NKAIN2: variants seen among roughly 807,000 people sequenced by gnomAD.
NKAIN2 encodes sodium/potassium transporting ATPase interacting 2.
A neutral mutation model predicts 32.6 loss-of-function variants in NKAIN2; 14 were observed. The observed-to-expected ratio is 0.43, with a 90% CI of 0.28 to 0.67. The LOEUF is 0.67. NKAIN2 is among the 30% of genes least tolerant of loss of function. The probability of loss-of-function intolerance (pLI) is 0.17; values close to 1 mark genes in which losing one functional copy is unlikely to be tolerated. For missense variants in NKAIN2, 198 were observed against 258.3 expected, an observed-to-expected ratio of 0.77 and a Z score of 1.60; for synonymous variants, 80 against 87.2, an observed-to-expected ratio of 0.92 and a Z score of 0.46.
At chr6:123,967,108 G>A (rs1324469002) in intron 1 of NKAIN2, among the ~76,000 whole-genome samples, 1 of 152,160 alleles carries the variant, frequency 6.6e-6, no homozygotes, top group Non-Finnish European at 1.5e-5. Context: ...AGTGTAACCG[G>A]AATAGGCAAC....
chr6:124,572,590 G>C (rs2114920745), intron 3 of NKAIN2, among the ~76,000 whole-genome samples: 1 of 152,216 alleles, frequency 6.6e-6, no homozygotes, highest in African/African-American at 2.4e-5. Flanking sequence ...ACACAAAAAA[G>C]AGAAGCTGCC....
intron 3 of NKAIN2, among the ~76,000 whole-genome samples, chr6:124,525,344 T>C (rs1779271767): frequency 6.6e-6 from 1 of 152,172 alleles, no homozygotes. Flanking sequence ...GAGGTATTGA[T>C]AAAATTTGTA....
At chr6:124,205,689 A>G (rs182281705) in intron 1 of NKAIN2, among the ~76,000 whole-genome samples, 218 of 139,212 alleles carry the variant, frequency 1.6e-3, no homozygotes, top group Non-Finnish European at 2.7e-3. Context: ...ATACTTTGTG[A>G]TATCATATCT....
rs188485825 is a variant in NKAIN2 at position 124,754,425 on chromosome 6, T to C, written c.475-36914T>C. Among the ~76,000 whole-genome samples, 215 of 150,674 alleles carry C rather than the reference T, an allele frequency of 1.4e-3. 1 individual carries two copies. The highest frequency in any genetic ancestry group is 4.8e-3 in the African/African-American group (196 of 41,020). ...GGGGTTAACATGAAATGTTAACATT[T>C]TCATGTTAACCCCATAAAAAAGCAG... On this transcript the variant is annotated intron_variant, in intron 4 of 6. Transcript: ENST00000368417.
In NKAIN2 at chr6:124,570,578, C is replaced by T. The variant is rs140369724; in HGVS notation, c.274-87608C>T. ...AAGCCCCAGGCATTGGCAGCTTCTA[C>T]GTGGTGTTGAACCTGCAGGTGCACA... On this transcript the variant is annotated intron_variant, in intron 3 of 6. Transcript: ENST00000368417. 3.1e-3 allele frequency among the ~76,000 whole-genome samples: 471 copies of T among 152,302 alleles called. 2 individuals carry two copies. The highest frequency in any genetic ancestry group is 0.01 in the African/African-American group (429 of 41,578).
chr6:124,086,345 C>T (rs910358696), intron 1 of NKAIN2, among the ~76,000 whole-genome samples: 3 of 151,974 alleles, frequency 2.0e-5, no homozygotes, highest in Admixed American at 2.0e-4. Flanking sequence ...AATCTATATT[C>T]ATGGACTGGC....
chr6:123,830,869 G>A (rs1037810156), intron 1 of NKAIN2, among the ~76,000 whole-genome samples: 1 of 152,156 alleles, frequency 6.6e-6, no homozygotes, highest in Admixed American at 6.5e-5. Context: ...AGTGACTGAC[G>A]AATGAATGAT....
At chr6:124,108,747 C>A (rs1785233703) in intron 1 of NKAIN2, among the ~76,000 whole-genome samples, 1 of 151,918 alleles carries the variant, frequency 6.6e-6, no homozygotes, top group African/African-American at 2.4e-5. Context: ...TAATTTCAAT[C>A]TTTTGCATGT....
At chr6:124,033,965 C>A (rs189379126) in intron 1 of NKAIN2, among the ~76,000 whole-genome samples, 1 of 152,126 alleles carries the variant, frequency 6.6e-6, no homozygotes, top group Admixed American at 6.6e-5. Context: ...TACATGTTCA[C>A]AATTAAAGTT....
At chr6:123,960,038 T>C (rs1777776553) in intron 1 of NKAIN2, among the ~76,000 whole-genome samples, 1 of 151,542 alleles carries the variant, frequency 6.6e-6, no homozygotes, top group Non-Finnish European at 1.5e-5. Context: ...TCTAAAGAGG[T>C]AAACACTGGA....
intron 1 of NKAIN2, among the ~76,000 whole-genome samples, chr6:124,152,578 A>G (rs1582747567): frequency 6.6e-6 from 1 of 152,006 alleles, no homozygotes; most frequent in African/African-American, 2.4e-5. Context: ...ATAGAGTAGT[A>G]CAGCCACTAT....
intron 1 of NKAIN2, among the ~76,000 whole-genome samples, chr6:123,949,317 A>G (rs1166263963): frequency 6.6e-6 from 1 of 151,668 alleles, no homozygotes; most frequent in African/African-American, 2.4e-5. Context: ...TAGTAGTAGT[A>G]TTTTTTCTAT....
intron 4 of NKAIN2, among the ~76,000 whole-genome samples, chr6:124,714,481 CT>C (rs1241302731): frequency 6.6e-6 from 1 of 152,192 alleles, no homozygotes; most frequent in Admixed American, 6.5e-5. Flanking sequence ...TCATTTTTCA[CT>C]GGTGAAAAGC....
chr6:124,733,935 A>C (rs1054544459), intron 4 of NKAIN2, among the ~76,000 whole-genome samples: 3 of 151,662 alleles, frequency 2.0e-5, no homozygotes, highest in Non-Finnish European at 4.4e-5. Flanking sequence ...TCTAACACCC[A>C]GCTTTTGGTT....
Position 124,823,329 on chromosome 6 carries a change from A to C in NKAIN2, c.*100A>C. 1.2e-6 allele frequency: 1 copy of C among 828,548 alleles called. No individual in the cohort carries two copies. The highest frequency in any genetic ancestry group is 1.7e-5 in the African/African-American group (1 of 60,236). The allele number at this position is 828,548 out of a possible 1,614,324, so 51.3% of individuals were successfully genotyped here. ...AAGAGCAAGAAGCAACTGAGTTTAAATACATACACGTATTAACAAAACAAA... is the reference window on the plus strand; with the variant it reads ...AAGAGCAAGAAGCAACTGAGTTTAACTACATACACGTATTAACAAAACAAA... On this transcript the variant is annotated 3_prime_UTR_variant, in exon 7 of 7. Coordinates refer to ENST00000368417, the MANE Select transcript of NKAIN2 (RefSeq NM_001040214.3).
intron 1 of NKAIN2, among the ~76,000 whole-genome samples, chr6:123,885,195 C>T (rs1773655701): frequency 6.6e-6 from 1 of 152,046 alleles, no homozygotes; most frequent in Non-Finnish European, 1.5e-5. Context: ...ATGCCTTTGT[C>T]TTCTTTCTGA....
intron 3 of NKAIN2, among the ~76,000 whole-genome samples, chr6:124,498,006 T>A (rs1391295868): frequency 6.6e-6 from 1 of 152,106 alleles, no homozygotes; most frequent in Non-Finnish European, 1.5e-5. Context: ...TATATCCTTC[T>A]CTCCCCATTC....
At chr6:124,675,730 T>C (rs1293407695) in intron 4 of NKAIN2, among the ~76,000 whole-genome samples, 3 of 152,026 alleles carry the variant, frequency 2.0e-5, no homozygotes, top group Non-Finnish European at 4.4e-5. Flanking sequence ...GTCTTCTTTT[T>C]TCTTTTTTAT....
At chr6:124,682,357 A>C (rs373294632) in intron 4 of NKAIN2, among the ~76,000 whole-genome samples, 2 of 152,178 alleles carry the variant, frequency 1.3e-5, no homozygotes, top group Non-Finnish European at 2.9e-5. Context: ...AGATGCTGGC[A>C]CTATATAATT....
Sources: allele counts gnomAD v4.1 joint callset (sites outside exome capture counted in the v4.1 genomes callset), GRCh38; gene constraint gnomAD v4.1.1; transcripts MANE v1.5; gene names NCBI Gene and HGNC (gene_info 2026-07-23, HGNC 2026-07-21).